ZFHX3: variants seen among roughly 807,000 people sequenced by gnomAD.
ZFHX3 encodes the protein zinc finger homeobox 3.
Under a neutral mutation model 279.1 loss-of-function variants are expected in ZFHX3, and 42 were observed. The ratio of observed to expected loss-of-function variants is 0.15; its 90% CI spans 0.12 to 0.19. ZFHX3 has a LOEUF of 0.19. ZFHX3 is among the 10% of genes least tolerant of loss of function. The pLI is 1.00. For missense variants in ZFHX3, 4,981 were observed against 4,754.0 expected, an observed-to-expected ratio of 1.05 and a Z score of -1.40; for synonymous variants, 2,293 against 1,957.8, an observed-to-expected ratio of 1.17 and a Z score of -4.52.
At chr16:72,874,915 C>A (rs1336828877) in intron 4 of ZFHX3, among the ~76,000 whole-genome samples, 1 of 149,894 alleles carries the variant, frequency 6.7e-6, no homozygotes, top group East Asian at 2.0e-4. Flanking sequence ...GATACAGCTT[C>A]AAAAACAAGG....
At chr16:73,566,695 T>C (rs2020455507) in intron 2 of ZFHX3, among the ~76,000 whole-genome samples, 2 of 150,408 alleles carry the variant, frequency 1.3e-5, no homozygotes, top group South Asian at 4.3e-4. Context: ...TAACTTTTTT[T>C]TTTTTTTTTT....
chr16:72,827,548 CTG>C (rs1328593705), intron 5 of ZFHX3, among the ~76,000 whole-genome samples: 3 of 152,202 alleles, frequency 2.0e-5, no homozygotes, highest in Non-Finnish European at 2.9e-5. Flanking sequence ...AGTCTTCAAA[CTG>C]TGTTTGTGAA....
chr16:73,561,446 T>C (rs1004437358), intron 2 of ZFHX3, among the ~76,000 whole-genome samples: 6 of 152,262 alleles, frequency 3.9e-5, no homozygotes, highest in Non-Finnish European at 8.8e-5. Flanking sequence ...TAACAAGAGT[T>C]AAATACTTAC....
At chr16:73,512,659 T>C (rs752206270) in intron 2 of ZFHX3, among the ~76,000 whole-genome samples, 11 of 152,208 alleles carry the variant, frequency 7.2e-5, no homozygotes, top group Non-Finnish European at 1.5e-4. Context: ...CAAAGATACC[T>C]GGAGCCAGTC....
intron 7 of ZFHX3, among the ~76,000 whole-genome samples, chr16:73,117,399 T>C (rs1211391871): frequency 6.6e-6 from 1 of 152,212 alleles, no homozygotes; most frequent in East Asian, 1.9e-4. Context: ...TTATGGGTCA[T>C]GGCCAAAAAA....
At chr16:73,858,199 G>T (rs967112785) in intron 1 of ZFHX3, among the ~76,000 whole-genome samples, 3 of 152,054 alleles carry the variant, frequency 2.0e-5, no homozygotes, top group Admixed American at 1.3e-4. Flanking sequence ...CATGAGGGTT[G>T]GGGCATCCAA....
At chr16:73,446,319 C>G (rs962861332) in intron 3 of ZFHX3, among the ~76,000 whole-genome samples, 5 of 152,146 alleles carry the variant, frequency 3.3e-5, no homozygotes, top group Non-Finnish European at 7.4e-5. Flanking sequence ...TTCCTCAGGG[C>G]TGGGGAGGCC....
intron 3 of ZFHX3, 70 bp from the exon 4 acceptor site, chr16:72,890,032 A>T (rs1021849137): frequency 4.3e-6 from 6 of 1,400,974 alleles, no homozygotes; most frequent in Middle Eastern, 1.9e-4. Flanking sequence ...ATCAGCCCAC[A>T]CCATCCTGGT....
intron 3 of ZFHX3, among the ~76,000 whole-genome samples, chr16:73,321,883 G>A (rs1214883927): frequency 6.6e-6 from 1 of 152,194 alleles, no homozygotes; most frequent in Admixed American, 6.5e-5. Flanking sequence ...GAGAAAGAGG[G>A]AAACCTTCTG....
Position 72,787,600 on chromosome 16 carries a change from G to GTGATTGTTCTGTGTTT in ZFHX3, c.10660_10675dup (p.Thr3559LysfsTer17), listed in dbSNP as rs1567505628. The GTGATTGTTCTGTGTTT allele has an allele frequency of 6.2e-7, 1 of 1,613,850 alleles. No homozygotes were observed. Among genetic ancestry groups the GTGATTGTTCTGTGTTT allele is most frequent in the Non-Finnish European group, 8.5e-7 (1 of 1,179,924 alleles). On this transcript the variant is annotated frameshift_variant, in exon 10 of 10. Coordinates refer to ENST00000268489, the MANE Select transcript of ZFHX3 (RefSeq NM_006885.4). LOFTEE classifies it high-confidence loss of function. ...CTCTTTGGCGTTTCTTGCTGCTCTC[G>GTGATTGTTCTGTGTTT]TGATTGTTCTGTGTTTGTGCAAGGC... is the stretch of plus-strand genomic sequence containing the variant.
At chr16:73,546,695 C>A (rs866623801) in intron 2 of ZFHX3, among the ~76,000 whole-genome samples, 1 of 74,750 alleles carries the variant, frequency 1.3e-5, no homozygotes, top group Non-Finnish European at 2.3e-5. Flanking sequence ...GCTGCTGCTG[C>A]TGCTGCTGCT....
chr16:73,163,453 A>G (rs1967287379), intron 5 of ZFHX3, among the ~76,000 whole-genome samples: 1 of 152,254 alleles, frequency 6.6e-6, no homozygotes, highest in African/African-American at 2.4e-5. Flanking sequence ...ATTGGAACTC[A>G]GCCATGTCCA....
At chr16:72,887,359 A>T (rs550262008) in intron 4 of ZFHX3, among the ~76,000 whole-genome samples, 4 of 152,194 alleles carry the variant, frequency 2.6e-5, no homozygotes, top group African/African-American at 9.7e-5. Context: ...AGAGAAAACA[A>T]TAAGTTGTAC....
rs796739540 is a variant in ZFHX3, at chr16:73,655,983, A to C, written c.-1547+24197T>G. Among the ~76,000 whole-genome samples, 3 of 152,350 alleles carry C rather than the reference A, an allele frequency of 2.0e-5. 1 individual carries two copies. In the South Asian group the frequency reaches 6.2e-4, roughly 32 times the overall value. ...GAAAACAACCCAAATGTCTGTCAAG[A>C]ATAAAATATGTAAATAAATGTTGGT... On this transcript the variant is annotated intron_variant, in intron 2 of 17. Coordinates refer to the ZFHX3 transcript ENST00000641206.
intron 3 of ZFHX3, among the ~76,000 whole-genome samples, chr16:72,898,605 G>A (rs1315164255): frequency 2.0e-5 from 3 of 152,034 alleles, no homozygotes; most frequent in Non-Finnish European, 2.9e-5. Flanking sequence ...GTGGAATGTC[G>A]ACGCCTCCAT....
At chr16:73,817,531 C>T (rs1960608260) in intron 1 of ZFHX3, among the ~76,000 whole-genome samples, 1 of 152,172 alleles carries the variant, frequency 6.6e-6, no homozygotes, top group Non-Finnish European at 1.5e-5. Flanking sequence ...AATCGCGGTT[C>T]TGACAGAGAG....
At chr16:72,826,477 G>A (rs2036932161) in intron 5 of ZFHX3, among the ~76,000 whole-genome samples, 1 of 152,142 alleles carries the variant, frequency 6.6e-6, no homozygotes, top group South Asian at 2.1e-4. Context: ...TCAATTTAGG[G>A]AGAGAATAGA....
Position 73,009,893 on chromosome 16 carries a change from C to T in ZFHX3, c.-50+37859G>A, listed in dbSNP as rs537683372. On this transcript the variant is annotated intron_variant, in intron 1 of 9. Transcript: ENST00000268489. ...AAAATTAGCAGGGTGTGGTGGCGCA[C>T]GCCTGTAATCCCAGCTATTCAGGAG... 2.6e-5 allele frequency among the ~76,000 whole-genome samples: 4 copies of T among 152,066 alleles called. No homozygotes were observed. In the South Asian group the frequency reaches 6.2e-4, roughly 24 times the overall value.
chr16:73,301,282 T>C (rs1184957811), intron 4 of ZFHX3, among the ~76,000 whole-genome samples: 1 of 152,190 alleles, frequency 6.6e-6, no homozygotes, highest in African/African-American at 2.4e-5. Flanking sequence ...GTGACTATCA[T>C]GTTTCTGGCG....
Sources: gnomAD v4.1 joint callset for allele counts (sites outside exome capture counted in the v4.1 genomes callset) on GRCh38, gnomAD v4.1.1 for gene constraint, MANE v1.5 for transcripts, NCBI Gene and HGNC (gene_info 2026-07-23, HGNC 2026-07-21) for gene names.